NDST4: variants seen among roughly 807,000 people sequenced by gnomAD.
NDST4 encodes the protein N-deacetylase and N-sulfotransferase 4, also known as N-heparan sulfate sulfotransferase 4.
In NDST4, 63 loss-of-function variants were observed where a neutral mutation model predicts 100.8. The observed-to-expected ratio is 0.62, with a 90% CI of 0.51 to 0.77. The LOEUF is 0.77. Ranked by LOEUF, NDST4 falls within the 30% of genes least tolerant of loss-of-function variation. The pLI, the probability that NDST4 is intolerant of heterozygous loss-of-function variation, is 0.00. For missense variants in NDST4, 943 were observed against 1,018.4 expected, an observed-to-expected ratio of 0.93 and a Z score of 1.01; for synonymous variants, 377 against 361.8, an observed-to-expected ratio of 1.04 and a Z score of -0.48.
intron 3 of NDST4, among the ~76,000 whole-genome samples, chr4:114,975,921 T>C (rs1346180042): frequency 1.3e-5 from 2 of 152,136 alleles, no homozygotes; most frequent in African/African-American, 4.8e-5. Context: ...AAGCTGAAAT[T>C]GCTTTGCCTG....
intron 7 of NDST4, among the ~76,000 whole-genome samples, chr4:114,867,665 CAAA>C: frequency 0.019 from 1,486 of 79,868 alleles, 39 homozygotes; most frequent in African/African-American, 0.067. Flanking sequence ...AAAAAAAAAG[CAAA>C]AAAAAAAAAA....
At chr4:115,011,398 T>C (rs1348592885) in intron 2 of NDST4, among the ~76,000 whole-genome samples, 1 of 151,962 alleles carries the variant, frequency 6.6e-6, no homozygotes, top group Non-Finnish European at 1.5e-5. Flanking sequence ...CCTTTCTTTA[T>C]ACTTCATGCA....
At chr4:114,970,679 G>A (rs1192223343) in intron 3 of NDST4, 95 bp from the exon 4 acceptor site, 1 of 1,034,974 alleles carries the variant, frequency 9.7e-7, no homozygotes, top group Non-Finnish European at 1.4e-6. Flanking sequence ...TCATGCTGCT[G>A]ATACATATAT....
intron 2 of NDST4, among the ~76,000 whole-genome samples, chr4:114,993,069 G>C (rs948014059): frequency 1.3e-5 from 2 of 151,782 alleles, no homozygotes; most frequent in Non-Finnish European, 2.9e-5. Flanking sequence ...TAGTTTCATG[G>C]TGTACTATAG....
chr4:114,834,396 C>G (rs1021461001), intron 11 of NDST4, among the ~76,000 whole-genome samples: 43 of 151,888 alleles, frequency 2.8e-4, no homozygotes, highest in African/African-American at 9.9e-4. Context: ...CTCCTGTAGT[C>G]CCAGCTACAT....
At chr4:114,867,954 T>G (rs150452984) in intron 7 of NDST4, among the ~76,000 whole-genome samples, 1 of 152,152 alleles carries the variant, frequency 6.6e-6, no homozygotes, top group Non-Finnish European at 1.5e-5. Context: ...TTGACAGATA[T>G]TCATATTGCA....
intron 6 of NDST4, among the ~76,000 whole-genome samples, chr4:114,879,618 GT>G (rs1354824752): frequency 8.5e-5 from 13 of 152,212 alleles, no homozygotes; most frequent in Admixed American, 7.2e-4. Context: ...TGGTGCTGTT[GT>G]TTACTGCTGT....
At chr4:114,868,386 T>A (rs562631455) in intron 7 of NDST4, among the ~76,000 whole-genome samples, 1 of 152,228 alleles carries the variant, frequency 6.6e-6, no homozygotes, top group Non-Finnish European at 1.5e-5. Flanking sequence ...TAAAATGTGT[T>A]ATTATAGATA....
chr4:115,076,200 C>T lies in NDST4; in HGVS notation c.837G>A (p.Leu279=), dbSNP rs1279856775. ...VLFGNNLNFW[L]HKLIFIDAIS... ...TGGCATCTATGAAGATGAGCTTGTG[C>T]AGCCAAAAGTTCAAGTTGTTGCCAA... Residue 279 remains leucine, a synonymous_variant, in exon 2 of 14, where the codon CTG becomes CTA. Coordinates refer to ENST00000264363, the MANE Select transcript of NDST4 (RefSeq NM_022569.3). The T allele has an allele frequency of 4.3e-6, 7 of 1,613,826 alleles. No individual in the cohort carries two copies. The East Asian group carries it at 1.6e-4, about 36-fold the overall frequency.
At chr4:115,109,134 AG>A (rs1244762480) in intron 1 of NDST4, among the ~76,000 whole-genome samples, 4 of 151,744 alleles carry the variant, frequency 2.6e-5, no homozygotes, top group African/African-American at 9.7e-5. Context: ...AGAAAAAGAG[AG>A]GAAGGGAAGG....
chr4:114,998,647 C>A (rs894986260), intron 2 of NDST4, among the ~76,000 whole-genome samples: 3 of 152,102 alleles, frequency 2.0e-5, no homozygotes, highest in Admixed American at 2.0e-4. Flanking sequence ...ATTGCTGATA[C>A]AGGAGCTTTT....
intron 2 of NDST4, among the ~76,000 whole-genome samples, chr4:115,068,678 G>A (rs1842264): frequency 0.24 from 35,982 of 149,474 alleles, 5,902 homozygotes; most frequent in East Asian, 0.45. Flanking sequence ...TTAGCCGGGT[G>A]TGGTGGTGAG....
intron 2 of NDST4, among the ~76,000 whole-genome samples, chr4:115,063,652 G>T (rs919598465): frequency 7.9e-5 from 12 of 151,288 alleles, no homozygotes; most frequent in African/African-American, 2.9e-4. Flanking sequence ...CCAATTAATT[G>T]TCAAATTAAT....
rs1179910823 is a variant in NDST4, at chr4:115,008,419, G to C, written c.979-31145C>G. Among the ~76,000 whole-genome samples, 3 of 128,752 alleles carry C rather than the reference G, an allele frequency of 2.3e-5. 1 individual carries two copies. The highest frequency in any genetic ancestry group is 5.0e-5 in the Non-Finnish European group (3 of 60,270). 84.5% of individuals were successfully genotyped at this position (128,752 alleles called of 152,430 possible). On this transcript the variant is annotated intron_variant, in intron 2 of 13. Coordinates refer to ENST00000264363, the MANE Select transcript of NDST4 (RefSeq NM_022569.3). ...GTGGTGACAAAATCACTCAGCATTT[G>C]CTTGTCTGTAAAGTATTTTATTTCT...
chr4:114,968,478 A>G (rs763394492), intron 4 of NDST4, among the ~76,000 whole-genome samples: 11 of 152,222 alleles, frequency 7.2e-5, no homozygotes, highest in African/African-American at 1.4e-4. Context: ...ATTAACGTCT[A>G]GAGCAGGGAT....
intron 6 of NDST4, among the ~76,000 whole-genome samples, chr4:114,930,898 C>T (rs1324199935): frequency 6.6e-6 from 1 of 151,924 alleles, no homozygotes; most frequent in Non-Finnish European, 1.5e-5. Flanking sequence ...AAGACACACA[C>T]ACAAAAGGGT....
chr4:115,087,973 T>C (rs1369083730), intron 1 of NDST4, among the ~76,000 whole-genome samples: 1 of 151,982 alleles, frequency 6.6e-6, no homozygotes, highest in Non-Finnish European at 1.5e-5. Flanking sequence ...GTTTTTACAG[T>C]TTAAAATATA....
chr4:115,026,454 C>T (rs1294713883), intron 2 of NDST4, among the ~76,000 whole-genome samples: 2 of 148,852 alleles, frequency 1.3e-5, no homozygotes, highest in African/African-American at 5.1e-5. Flanking sequence ...CACACACACA[C>T]ATATACACAT....
intron 2 of NDST4, among the ~76,000 whole-genome samples, chr4:115,018,532 A>G (rs1348803105): frequency 6.6e-6 from 1 of 151,982 alleles, no homozygotes; most frequent in African/African-American, 2.4e-5. Context: ...ATGGAAATCA[A>G]TTAAGTTATA....
Sources: allele counts gnomAD v4.1 joint callset (sites outside exome capture counted in the v4.1 genomes callset), GRCh38; gene constraint gnomAD v4.1.1; transcripts MANE v1.5; gene names NCBI Gene and HGNC (gene_info 2026-07-23, HGNC 2026-07-21).